Variants in CBL observed in about 807,000 individuals in gnomAD.
CBL encodes the protein Cbl proto-oncogene.
CBL carries 45 observed loss-of-function variants against 96.9 expected under a neutral mutation model. The observed-to-expected ratio is 0.46, with a 90% CI of 0.37 to 0.60. CBL has a LOEUF of 0.60. CBL is among the 20% of genes least tolerant of loss of function. The probability of loss-of-function intolerance (pLI) is 0.00; values close to 1 mark genes in which losing one functional copy is unlikely to be tolerated. For missense variants in CBL, 1,024 were observed against 1,143.5 expected, an observed-to-expected ratio of 0.90 and a Z score of 1.51; for synonymous variants, 420 against 426.8, an observed-to-expected ratio of 0.98 and a Z score of 0.20.
chr11:119,266,788 C>T (rs1949806173), intron 2 of CBL, among the ~76,000 whole-genome samples: 1 of 152,162 alleles, frequency 6.6e-6, no homozygotes. Flanking sequence ...GGCGAATGAC[C>T]TCCTTCCTCA....
At chr11:119,224,853 C>T (rs948169528) in intron 1 of CBL, among the ~76,000 whole-genome samples, 2 of 151,740 alleles carry the variant, frequency 1.3e-5, no homozygotes, top group Admixed American at 6.6e-5. Context: ...GCTGCTGTCT[C>T]GGGTGGCAGA....
intron 1 of CBL, among the ~76,000 whole-genome samples, chr11:119,218,762 C>T (rs567342540): frequency 6.6e-6 from 1 of 152,150 alleles, no homozygotes; most frequent in Non-Finnish European, 1.5e-5. Context: ...TGCTTAATGA[C>T]CCTCAAAGCA....
intron 2 of CBL, among the ~76,000 whole-genome samples, chr11:119,245,135 G>A (rs542611201): frequency 1.7e-4 from 26 of 150,292 alleles, no homozygotes; most frequent in Admixed American, 7.9e-4. Flanking sequence ...GACTCCGAAA[G>A]TGCTGGGATT....
intron 6 of CBL, 97 bp from the exon 7 acceptor site, chr11:119,277,660 C>G: frequency 1.2e-6 from 1 of 810,208 alleles, no homozygotes; most frequent in South Asian, 1.4e-5. Context: ...CCACGTTGCC[C>G]TTTTAGAATG....
At chr11:119,258,824 G>A (rs1404722687) in intron 2 of CBL, among the ~76,000 whole-genome samples, 2 of 152,056 alleles carry the variant, frequency 1.3e-5, no homozygotes, top group Non-Finnish European at 2.9e-5. Flanking sequence ...AATGATGTGG[G>A]TATTTTGTTA....
chr11:119,301,229 G>A lies in CBL; in HGVS notation c.*1448G>A. On this transcript the variant is annotated 3_prime_UTR_variant, in exon 16 of 16. Coordinates refer to ENST00000264033, the MANE Select transcript of CBL (RefSeq NM_005188.4). The stretch of plus-strand genomic sequence containing the variant: ...CTTCACGGTAATTAGACATCATTCA[G>A]TGAATAAATTACTGTAGTCAAAGAC... 4.3e-6 allele frequency: 1 copy of A among 233,138 alleles called. No homozygotes were observed. Among genetic ancestry groups the A allele is most frequent in the Non-Finnish European group, 8.5e-6 (1 of 118,008 alleles). 14.4% of individuals were successfully genotyped at this position (233,138 alleles called of 1,614,324 possible).
At chr11:119,206,717 T>G (rs1949272401) in intron 1 of CBL, 105 bp downstream of exon 1, 1 of 1,057,896 alleles carries the variant, frequency 9.5e-7, no homozygotes. Context: ...ACGGGTCTGG[T>G]GAAGCCGGGG....
intron 2 of CBL, among the ~76,000 whole-genome samples, chr11:119,263,131 G>A (rs534079042): frequency 6.6e-6 from 1 of 152,342 alleles, no homozygotes; most frequent in Non-Finnish European, 1.5e-5. Context: ...TAGAGATGGA[G>A]AGAAGCATAT....
chr11:119,209,608 C>G (rs1039631476), intron 1 of CBL, among the ~76,000 whole-genome samples: 1 of 150,954 alleles, frequency 6.6e-6, no homozygotes, highest in African/African-American at 2.4e-5. Flanking sequence ...CAGAGTGAGA[C>G]TCCGTCTCAA....
intron 3 of CBL, 42 bp from the exon 4 acceptor site, chr11:119,273,826 T>G (rs757688676): frequency 6.4e-7 from 1 of 1,571,788 alleles, no homozygotes. Flanking sequence ...TGGAATTATC[T>G]CTGTTATTTC....
intron 1 of CBL, among the ~76,000 whole-genome samples, chr11:119,219,847 C>T (rs1324836571): frequency 8.8e-6 from 1 of 113,758 alleles, no homozygotes; most frequent in Non-Finnish European, 1.7e-5. Context: ...CCACGCCCGA[C>T]TATTTTTTTT....
chr11:119,274,428 A>G (rs949903950), intron 4 of CBL, among the ~76,000 whole-genome samples: 5 of 152,216 alleles, frequency 3.3e-5, no homozygotes, highest in African/African-American at 1.2e-4. Flanking sequence ...TAGATGCTTC[A>G]AAAACAACTC....
At chr11:119,252,500 C>G (rs891385188) in intron 2 of CBL, among the ~76,000 whole-genome samples, 1 of 152,136 alleles carries the variant, frequency 6.6e-6, no homozygotes, top group Non-Finnish European at 1.5e-5. Flanking sequence ...GTGCTATTGA[C>G]ATCAACCATT....
At chr11:119,296,838 GT>G in intron 12 of CBL, 79 bp from the exon 13 acceptor site, 1 of 762,814 alleles carries the variant, frequency 1.3e-6, no homozygotes. Flanking sequence ...AGTTATGTCT[GT>G]TTTTAAGCCA....
intron 1 of CBL, among the ~76,000 whole-genome samples, chr11:119,208,546 C>A (rs142392440): frequency 6.6e-6 from 1 of 151,882 alleles, no homozygotes; most frequent in Non-Finnish European, 1.5e-5. Flanking sequence ...CGCGCCACCA[C>A]GCCCAGCTAA....
intron 2 of CBL, among the ~76,000 whole-genome samples, chr11:119,242,537 CA>C (rs71048052): frequency 0.025 from 1,883 of 76,336 alleles, 17 homozygotes; most frequent in South Asian, 0.03. Flanking sequence ...GACTCCATCT[CA>C]AAAAAAAAAA....
intron 12 of CBL, among the ~76,000 whole-genome samples, 174 bp downstream of exon 12, chr11:119,288,120 A>G (rs758275752): frequency 1.3e-5 from 2 of 152,184 alleles, no homozygotes; most frequent in African/African-American, 2.4e-5. Context: ...CTTTTTCTGC[A>G]TATGTGTACC....
intron 9 of CBL, among the ~76,000 whole-genome samples, chr11:119,283,621 C>CTTTTTTTTTTTTTTT (rs1410071154): frequency 2.5e-4 from 9 of 36,506 alleles, no homozygotes; most frequent in Admixed American, 6.0e-4. Flanking sequence ...CTTTTTAATT[C>CTTTTTTTTTTTTTTT]TTTCTTTTTT....
Position 119,278,637 on chromosome 11 carries a change from C to T in CBL, c.1355C>T (p.Ser452Phe), listed in dbSNP as rs1949909100. ...LLRQGAEGAP[S>F]PNYDDDDDER... ...AGGCAAGGAGCAGAGGGAGCTCCCT[C>T]CCCAAATTATGATGATGATGATGAT... The change falls in exon 9 of 16, where the codon TCC (serine) becomes TTC (phenylalanine). Residue 452 changes from serine to phenylalanine, a missense_variant. Transcript: ENST00000264033. 6.2e-7 allele frequency: 1 copy of T among 1,613,964 alleles called. No individual in the cohort carries two copies. The highest frequency in any genetic ancestry group is 1.3e-5 in the African/African-American group (1 of 74,990).
Sources: allele counts gnomAD v4.1 joint callset (sites outside exome capture counted in the v4.1 genomes callset), GRCh38; gene constraint gnomAD v4.1.1; transcripts MANE v1.5; gene names NCBI Gene and HGNC (gene_info 2026-07-23, HGNC 2026-07-21).